Variants in ZNF177 observed in about 807,000 individuals in gnomAD.
ZNF177 encodes zinc finger protein 177.
ZNF177 carries 17 observed loss-of-function variants against 19.4 expected under a neutral mutation model. The ratio of observed to expected loss-of-function variants is 0.87; its 90% confidence interval spans 0.60 to 1.31. ZNF177 has a LOEUF of 1.31. Among genes scored for constraint, ZNF177 ranks in the 40% most tolerant of loss-of-function variants. ZNF177 has a pLI of 0.00. For missense variants in ZNF177, 633 were observed against 561.8 expected (o/e 1.13, Z -1.28); for synonymous variants, 220 against 188.7 (o/e 1.17, Z -1.36).
At chr19:9,372,590 A>G (rs1312606502), upstream of ZNF177, among the ~76,000 whole-genome samples, 1 of 120,748 alleles carries the variant, frequency 8.3e-6, no homozygotes, top group East Asian at 2.4e-4. Context: ...TCTGTCTCCC[A>G]GGCTGAGGTG....
chr19:9,374,788 C>T (rs1425491364), upstream of ZNF177, among the ~76,000 whole-genome samples: 1 of 151,982 alleles, frequency 6.6e-6, no homozygotes, highest in East Asian at 1.9e-4. Context: ...GATACAATAT[C>T]ATGTCATCTA....
At chr19:9,369,762 C>CGACA (rs2068024587) in intron 2 of ZNF177, among the ~76,000 whole-genome samples, 1 of 151,842 alleles carries the variant, frequency 6.6e-6, no homozygotes, top group African/African-American at 2.4e-5. Flanking sequence ...CTCACTATGT[C>CGACA]CATCCTTTGA....
chr19:9,374,260 GT>G (rs777827051), upstream of ZNF177, among the ~76,000 whole-genome samples: 121 of 152,176 alleles, frequency 8.0e-4, no homozygotes, highest in Middle Eastern at 3.4e-3. Flanking sequence ...ATTTGTCTCC[GT>G]TTTTATGCCA....
intron 1 of ZNF177, among the ~76,000 whole-genome samples, chr19:9,363,744 T>G (rs1056777660): frequency 1.3e-5 from 2 of 152,234 alleles, no homozygotes; most frequent in African/African-American, 4.8e-5. Flanking sequence ...TCAGTTTACC[T>G]GTAGTTTCTT....
At chr19:9,379,906 T>TATCACTGGTGA (rs1224856749) in intron 4 of ZNF177, 151 bp from the exon 7 acceptor site, 56 of 957,888 alleles carry the variant, frequency 5.8e-5, no homozygotes, top group Admixed American at 4.2e-4. Context: ...TGCTTGTTCC[T>TATCACTGGTGA]ATCACTGGTG....
chr19:9,378,638 C>A (rs960062647), intron 2 of ZNF177: 10 of 573,314 alleles, frequency 1.7e-5, no homozygotes, highest in Non-Finnish European at 2.7e-5. Context: ...GTATTTCTTG[C>A]ATTCCTACAG....
chr19:9,381,475 T>C, exon 6 of ZNF177: 3 of 1,611,696 alleles, frequency 1.9e-6, no homozygotes, highest in East Asian at 4.5e-5. Context: ...CGATCAGTCA[T>C]CCCTTAAGAA....
chr19:9,364,223 AAAC>A (rs1188937261), intron 1 of ZNF177, among the ~76,000 whole-genome samples: 1 of 152,164 alleles, frequency 6.6e-6, no homozygotes, highest in Non-Finnish European at 1.5e-5. Flanking sequence ...ATTTAGGTAA[AAAC>A]AACACTCTTC....
chr19:9,380,365 T>C (rs1013208915), intron 5 of ZNF177, among the ~76,000 whole-genome samples: 7 of 150,996 alleles, frequency 4.6e-5, no homozygotes, highest in African/African-American at 1.7e-4. Flanking sequence ...TAAACATCTA[T>C]GTAAATATGA....
chr19:9,369,256 GTGA>G (rs1425143352), intron 2 of ZNF177, among the ~76,000 whole-genome samples: 1 of 151,952 alleles, frequency 6.6e-6, no homozygotes, highest in African/African-American at 2.4e-5. Context: ...AAGTCTTATA[GTGA>G]TGATTTGTGT....
chr19:9,369,457 TA>T (rs1351161129), intron 2 of ZNF177, among the ~76,000 whole-genome samples: 15 of 152,214 alleles, frequency 9.9e-5, no homozygotes, highest in African/African-American at 3.6e-4. Context: ...ATATCTTTCT[TA>T]TTTTTGAGAC....
chr19:9,373,501 T>G (rs894897454), upstream of ZNF177, among the ~76,000 whole-genome samples: 5 of 152,340 alleles, frequency 3.3e-5, no homozygotes, highest in East Asian at 9.6e-4. Flanking sequence ...AGTTCTATTT[T>G]TAATATTTTG....
intron 2 of ZNF177, among the ~76,000 whole-genome samples, chr19:9,370,121 G>A (rs2878451): frequency 0.61 from 92,587 of 151,824 alleles, 28,839 homozygotes; most frequent in African/African-American, 0.73. Flanking sequence ...GCCTTTATTT[G>A]ACTCTCCATT....
chr19:9,380,582 A>G, intron 5 of ZNF177, 86 bp from the exon 8 acceptor site: 1 of 1,535,698 alleles, frequency 6.5e-7, no homozygotes, highest in Non-Finnish European at 8.7e-7. Flanking sequence ...CTTCCTATAT[A>G]TGGCAGAATC....
At chr19:9,374,282 A>G (rs78476262), upstream of ZNF177, among the ~76,000 whole-genome samples, 2,186 of 152,218 alleles carry the variant, frequency 0.014, 52 homozygotes, top group African/African-American at 0.049. Flanking sequence ...GTACCATACT[A>G]TTTTCATTAC....
exon 6 of ZNF177, chr19:9,381,086 T>C (rs761167897): frequency 1.9e-6 from 3 of 1,611,496 alleles, no homozygotes; most frequent in Non-Finnish European, 2.5e-6. Context: ...ACTGGTAGTG[T>C]GGAGGAGGGT....
intron 1 of ZNF177, among the ~76,000 whole-genome samples, chr19:9,363,489 T>C (rs932637763): frequency 2.0e-5 from 3 of 152,168 alleles, no homozygotes; most frequent in Non-Finnish European, 4.4e-5. Context: ...TTTTTTCCCC[T>C]CTGTTATGTG....
At position 9,381,399 on chromosome 19, in the gene ZNF177, GA is replaced by G; in HGVS notation, c.1071del (p.Lys357AsnfsTer3). ...CTTTCACTGTTCCTTCATCCCTTCA[GA>G]AACATGTGAGAACCCACACTGGAGA... On this transcript the variant is annotated frameshift_variant, in exon 6 of 6. Coordinates refer to ENST00000589262, the Ensembl canonical transcript of ZNF177. LOFTEE classifies it low-confidence loss of function (END_TRUNC). 14 of 1,613,728 alleles carry G rather than the reference GA, an allele frequency of 8.7e-6. No homozygotes were observed. The highest frequency in any genetic ancestry group is 1.2e-5 in the Non-Finnish European group (14 of 1,179,930).
chr19:9,375,012 C>G (rs558821816), upstream of ZNF177, among the ~76,000 whole-genome samples: 11 of 152,244 alleles, frequency 7.2e-5, no homozygotes, highest in African/African-American at 2.6e-4. Context: ...GAAGTACTTT[C>G]CTTCTGTAAC....
Sources: gnomAD v4.1 joint callset for allele counts (sites outside exome capture counted in the v4.1 genomes callset) on GRCh38, gnomAD v4.1.1 for gene constraint, MANE v1.5 for transcripts, NCBI Gene and HGNC (gene_info 2026-07-23, HGNC 2026-07-21) for gene names.